The following FAT3 variants were observed in gnomAD, a reference collection of about 807,000 sequenced individuals.
FAT3 encodes the protein protocadherin Fat 3.
FAT3 carries 95 observed loss-of-function variants against 310.2 expected under a neutral mutation model. The observed-to-expected ratio is 0.31, with a 90% confidence interval of 0.26 to 0.36. The LOEUF (loss-of-function observed/expected upper bound fraction) is 0.36. Ranked by LOEUF, FAT3 falls within the 10% of genes least tolerant of loss-of-function variation. The pLI is 1.00. For missense variants in FAT3, 5,408 were observed against 5,715.6 expected (o/e 0.95, Z 1.74); for synonymous variants, 2,314 against 2,192.9 (o/e 1.06, Z -1.54).
chr11:92,470,962 A>G (rs1226793511), intron 2 of FAT3, among the ~76,000 whole-genome samples: 3 of 152,218 alleles, frequency 2.0e-5, no homozygotes, highest in Non-Finnish European at 2.9e-5. Flanking sequence ...TACATTTAGT[A>G]TCATATTTTT....
At position 92,820,150 on chromosome 11, in the gene FAT3, C is replaced by T. The variant is rs796366255; in HGVS notation, c.9481+10074C>T. ...GACTGCCATAACGAAGTACCTGAGA[C>T]TGGATGACTTAAACAACAAACATTT... On this transcript the variant is annotated intron_variant, in intron 13 of 27. Coordinates refer to ENST00000525166, the MANE Select transcript of FAT3 (RefSeq NM_001367949.2). 3.0e-4 allele frequency among the ~76,000 whole-genome samples: 45 copies of T among 152,308 alleles called. 1 individual carries two copies. The highest frequency in any genetic ancestry group is 1.0e-3 in the African/African-American group (43 of 41,568).
Position 92,355,315 on chromosome 11 carries a change from G to A in FAT3, c.3203G>A (p.Arg1068Gln), listed in dbSNP as rs370640653. ...IGTSVLQVTA[R>Q]DEDSGRDGEI... ...ACAAGCGTGCTGCAGGTGACTGCTC[G>A]AGATGAAGACTCCGGAAGGGATGGA... The change falls in exon 2 of 28, where the codon CGA (arginine) becomes CAA (glutamine). Residue 1068 changes from arginine (R) to glutamine (Q), a missense_variant. Transcript: ENST00000525166. 266 of 1,613,662 alleles carry A rather than the reference G, an allele frequency of 1.6e-4. 1 individual carries two copies. Among genetic ancestry groups the A allele is most frequent in the Non-Finnish European group, 2.2e-4 (255 of 1,179,842 alleles).
intron 1 of FAT3, among the ~76,000 whole-genome samples, chr11:92,323,847 G>GT (rs1947693806): frequency 6.6e-6 from 1 of 152,156 alleles, no homozygotes. Flanking sequence ...GGCGTTGACT[G>GT]TTTTCTAGCT....
rs182604954 is a variant in FAT3 at position 92,564,620 on chromosome 11, T to A, written c.3607+39672T>A. Among the ~76,000 whole-genome samples the A allele has an allele frequency of 5.4e-3, 821 of 152,168 alleles. 5 individuals carry two copies. Among genetic ancestry groups the A allele is most frequent in the African/African-American group, 0.019 (778 of 41,490 alleles). ...CACCACACCACACCTATTCCAAAATTGACCACATAGTTGAAGTAAAGCTCT... is the reference window on the plus strand; with the variant it reads ...CACCACACCACACCTATTCCAAAATAGACCACATAGTTGAAGTAAAGCTCT... On this transcript the variant is annotated intron_variant, in intron 3 of 27. Coordinates refer to ENST00000525166, the MANE Select transcript of FAT3 (RefSeq NM_001367949.2).
intron 2 of FAT3, among the ~76,000 whole-genome samples, chr11:92,434,175 T>G (rs916255907): frequency 2.0e-5 from 3 of 152,020 alleles, no homozygotes; most frequent in African/African-American, 7.2e-5. Context: ...GAACTCCTAT[T>G]CCGGGAAAGT....
At chr11:92,831,023 C>T (rs1302455941) in intron 13 of FAT3, among the ~76,000 whole-genome samples, 1 of 152,162 alleles carries the variant, frequency 6.6e-6, no homozygotes, top group Admixed American at 6.5e-5. Flanking sequence ...GGTCTCCCTC[C>T]TTCCTCTCTG....
intron 4 of FAT3, among the ~76,000 whole-genome samples, chr11:92,708,461 T>G (rs1944425387): frequency 6.6e-6 from 1 of 152,216 alleles, no homozygotes; most frequent in Non-Finnish European, 1.5e-5. Flanking sequence ...TAAACCTCCG[T>G]CTCTTTACCT....
chr11:92,758,851 G>T (rs1237687850), intron 4 of FAT3, among the ~76,000 whole-genome samples: 1 of 152,144 alleles, frequency 6.6e-6, no homozygotes. Flanking sequence ...TAGACAGAGG[G>T]ATGCCTAGGA....
chr11:92,283,683 C>G (rs1244993599), intron 1 of FAT3, among the ~76,000 whole-genome samples: 1 of 152,144 alleles, frequency 6.6e-6, no homozygotes, highest in Non-Finnish European at 1.5e-5. Context: ...ACTGGAATAG[C>G]ATGTCTTCAT....
chr11:92,398,202 G>C (rs985989147), intron 2 of FAT3, among the ~76,000 whole-genome samples: 9 of 151,956 alleles, frequency 5.9e-5, no homozygotes, highest in Non-Finnish European at 1.2e-4. Flanking sequence ...TCTTCCCTCT[G>C]TGTGTGTCTG....
chr11:92,369,795 C>T (rs945369186), intron 2 of FAT3, among the ~76,000 whole-genome samples: 2 of 151,994 alleles, frequency 1.3e-5, no homozygotes, highest in African/African-American at 4.8e-5. Context: ...TTCAGTGAGC[C>T]GAGATTGCGC....
At chr11:92,768,648 A>G (rs533144809) in intron 6 of FAT3, among the ~76,000 whole-genome samples, 5 of 152,144 alleles carry the variant, frequency 3.3e-5, no homozygotes, top group Non-Finnish European at 7.4e-5. Flanking sequence ...TTACGTAAGC[A>G]TCTTTTTTGG....
intron 3 of FAT3, among the ~76,000 whole-genome samples, chr11:92,618,489 G>A (rs1044736412): frequency 3.9e-5 from 6 of 152,100 alleles, no homozygotes; most frequent in Non-Finnish European, 5.9e-5. Flanking sequence ...CCCACTGTCC[G>A]ACAAGCCCCA....
intron 2 of FAT3, among the ~76,000 whole-genome samples, chr11:92,393,457 C>T (rs1949793067): frequency 6.6e-6 from 1 of 152,134 alleles, no homozygotes; most frequent in South Asian, 2.1e-4. Context: ...GATTTCGCCG[C>T]CAAACCATCT....
At chr11:92,272,309 A>C (rs1946144357) in intron 1 of FAT3, among the ~76,000 whole-genome samples, 1 of 152,112 alleles carries the variant, frequency 6.6e-6, no homozygotes, top group Admixed American at 6.6e-5. Context: ...CGAGTGGGCT[A>C]TGCCAATTTC....
At chr11:92,717,975 G>A (rs1241681579) in intron 4 of FAT3, among the ~76,000 whole-genome samples, 1 of 152,098 alleles carries the variant, frequency 6.6e-6, no homozygotes, top group African/African-American at 2.4e-5. Flanking sequence ...ACAAATTCTT[G>A]CAACTCTTTC....
chr11:92,770,296 A>C (rs1379741302), intron 6 of FAT3, among the ~76,000 whole-genome samples: 1 of 152,194 alleles, frequency 6.6e-6, no homozygotes, highest in East Asian at 1.9e-4. Flanking sequence ...AGTTTTAAGA[A>C]AATGAATCCT....
intron 2 of FAT3, among the ~76,000 whole-genome samples, chr11:92,395,820 C>G (rs942780393): frequency 8.5e-5 from 13 of 152,086 alleles, no homozygotes; most frequent in African/African-American, 2.9e-4. Flanking sequence ...CTCAGGTGAT[C>G]CTCCCACCTT....
At position 92,473,374 on chromosome 11, in the gene FAT3, C is replaced by T. The variant is rs1328681979; in HGVS notation, c.3293-51260C>T. 3.3e-5 allele frequency among the ~76,000 whole-genome samples: 5 copies of T among 152,104 alleles called. No homozygotes were observed. The East Asian group carries it at 5.8e-4, about 18-fold the overall frequency. The stretch of plus-strand genomic sequence containing the variant: ...GGATAGAGATATCAAATCCATCAGC[C>T]ACCATCTTATTATATTTTCACACCT... On this transcript the variant is annotated intron_variant, in intron 2 of 27. Coordinates refer to ENST00000525166, the MANE Select transcript of FAT3 (RefSeq NM_001367949.2).
Sources: gnomAD v4.1 joint callset for allele counts (sites outside exome capture counted in the v4.1 genomes callset) on GRCh38, gnomAD v4.1.1 for gene constraint, MANE v1.5 for transcripts, NCBI Gene and HGNC (gene_info 2026-07-23, HGNC 2026-07-21) for gene names.